The following PDZRN4 variants were observed in gnomAD, a reference collection of about 807,000 sequenced individuals.
PDZRN4 encodes PDZ domain containing ring finger 4.
A neutral mutation model predicts 99.0 loss-of-function variants in PDZRN4; 70 were observed. The observed-to-expected ratio is 0.71, with a 90% CI of 0.58 to 0.86. The LOEUF is 0.86. PDZRN4 is among the 40% of genes least tolerant of loss of function. PDZRN4 has a pLI of 0.00. For synonymous variants in PDZRN4, 551 were observed against 501.6 expected (o/e 1.10, Z -1.32); for missense variants, 1,474 against 1,331.2 (o/e 1.11, Z -1.67).
chr12:41,226,763 T>C (rs1421759122), intron 3 of PDZRN4, among the ~76,000 whole-genome samples: 6 of 152,172 alleles, frequency 3.9e-5, no homozygotes. Flanking sequence ...ATTTTAATAA[T>C]GTTAAGGCTA....
chr12:41,209,262 G>A (rs551511968), intron 3 of PDZRN4, among the ~76,000 whole-genome samples: 5 of 152,022 alleles, frequency 3.3e-5, no homozygotes, highest in African/African-American at 1.2e-4. Flanking sequence ...CACAGATGAC[G>A]ACATCTGAAA....
intron 3 of PDZRN4, among the ~76,000 whole-genome samples, chr12:41,416,776 G>A (rs573744218): frequency 2.6e-5 from 4 of 152,298 alleles, no homozygotes; most frequent in Non-Finnish European, 4.4e-5. Flanking sequence ...TTTCTTCCCT[G>A]GGTAGATGTT....
At chr12:41,363,273 A>C (rs561141605) in intron 3 of PDZRN4, among the ~76,000 whole-genome samples, 1 of 152,112 alleles carries the variant, frequency 6.6e-6, no homozygotes, top group Non-Finnish European at 1.5e-5. Context: ...GAAGCAGAGG[A>C]GCTGGCTGAA....
At chr12:41,532,984 T>C (rs1462756656) in intron 5 of PDZRN4, among the ~76,000 whole-genome samples, 1 of 152,152 alleles carries the variant, frequency 6.6e-6, no homozygotes, top group Non-Finnish European at 1.5e-5. Flanking sequence ...ATCAACCTGT[T>C]AATCATATTG....
At chr12:41,350,173 A>G (rs1386638303) in intron 3 of PDZRN4, among the ~76,000 whole-genome samples, 1 of 152,032 alleles carries the variant, frequency 6.6e-6, no homozygotes, top group Admixed American at 6.6e-5. Context: ...CTGGGATTAT[A>G]AAAACAAATA....
intron 3 of PDZRN4, among the ~76,000 whole-genome samples, chr12:41,429,481 G>A (rs79746009): frequency 1.3e-5 from 2 of 152,118 alleles, no homozygotes; most frequent in South Asian, 4.1e-4. Flanking sequence ...TCCAGTCCTT[G>A]GGGAAATCCT....
At chr12:41,352,239 A>G (rs889169977) in intron 3 of PDZRN4, among the ~76,000 whole-genome samples, 2 of 152,072 alleles carry the variant, frequency 1.3e-5, no homozygotes, top group Non-Finnish European at 2.9e-5. Context: ...CATGGGCTAC[A>G]CTTTTAAGAA....
At chr12:41,407,658 G>T (rs898569185) in intron 3 of PDZRN4, among the ~76,000 whole-genome samples, 1 of 151,862 alleles carries the variant, frequency 6.6e-6, no homozygotes, top group Non-Finnish European at 1.5e-5. Context: ...AAGATTAAAG[G>T]CAGGTTCAGT....
chr12:41,480,498 G>A (rs1346763914), intron 3 of PDZRN4, among the ~76,000 whole-genome samples: 1 of 152,132 alleles, frequency 6.6e-6, no homozygotes, highest in Non-Finnish European at 1.5e-5. Flanking sequence ...AGGATATAAA[G>A]CTAACAGTAG....
intron 5 of PDZRN4, among the ~76,000 whole-genome samples, chr12:41,524,184 A>G (rs1259323790): frequency 6.6e-6 from 1 of 152,198 alleles, no homozygotes; most frequent in African/African-American, 2.4e-5. Context: ...AAATGCATAA[A>G]ATAATATTGA....
chr12:41,322,326 C>T (rs750433738), intron 3 of PDZRN4, among the ~76,000 whole-genome samples: 6 of 151,844 alleles, frequency 4.0e-5, no homozygotes, highest in South Asian at 2.1e-4. Context: ...GTGCTCAGCT[C>T]CTCAAAATTT....
chr12:41,285,082 G>A (rs1473838581), intron 3 of PDZRN4, among the ~76,000 whole-genome samples: 1 of 152,060 alleles, frequency 6.6e-6, no homozygotes, highest in Non-Finnish European at 1.5e-5. Context: ...CCTACAGAAT[G>A]GGAGAAAATT....
intron 3 of PDZRN4, among the ~76,000 whole-genome samples, chr12:41,500,128 C>A (rs1202536634): frequency 6.6e-6 from 1 of 151,928 alleles, no homozygotes; most frequent in African/African-American, 2.4e-5. Flanking sequence ...TGTATTTCAA[C>A]AGAGGGATCC....
rs566687479 is a variant in PDZRN4, at chr12:41,397,276, G to A, written c.844-109180G>A. Reference sequence around the variant, plus strand: ...TCTCTCTCCCTTCATGCTACATGCAGTTGTGATTTCTAAGGATGTGTTTAG... The same window carrying A: ...TCTCTCTCCCTTCATGCTACATGCAATTGTGATTTCTAAGGATGTGTTTAG... On this transcript the variant is annotated intron_variant, in intron 3 of 9. Transcript: ENST00000402685. 5.9e-5 allele frequency among the ~76,000 whole-genome samples: 9 copies of A among 152,240 alleles called. No homozygotes were observed. The South Asian group carries it at 1.9e-3, about 32-fold the overall frequency.
chr12:41,507,139 C>A lies in PDZRN4; in HGVS notation c.1100+427C>A, dbSNP rs59834004. Among the ~76,000 whole-genome samples the A allele has an allele frequency of 2.5e-3, 384 of 152,250 alleles. 1 individual carries two copies. Among genetic ancestry groups the A allele is most frequent in the African/African-American group, 8.8e-3 (367 of 41,556 alleles). Reference sequence around the variant, plus strand: ...GTGGGCCACCTCTCTCTCTTCCTTGCATTTCTCTTCTTTAAAGAGAAGCTA... The same window carrying A: ...GTGGGCCACCTCTCTCTCTTCCTTGAATTTCTCTTCTTTAAAGAGAAGCTA... On this transcript the variant is annotated intron_variant, in intron 4 of 9. Coordinates refer to ENST00000402685, the MANE Select transcript of PDZRN4 (RefSeq NM_001164595.2).
At chr12:41,493,905 G>T (rs11180957) in intron 3 of PDZRN4, among the ~76,000 whole-genome samples, 1 of 148,236 alleles carries the variant, frequency 6.7e-6, no homozygotes, top group Non-Finnish European at 1.5e-5. Flanking sequence ...AAATAATGGG[G>T]GGGGGGATTC....
chr12:41,334,603 G>A (rs1448650926), intron 3 of PDZRN4, among the ~76,000 whole-genome samples: 2 of 152,096 alleles, frequency 1.3e-5, no homozygotes, highest in Non-Finnish European at 2.9e-5. Context: ...CCTTATCACG[G>A]CTTTGACTGG....
intron 3 of PDZRN4, among the ~76,000 whole-genome samples, chr12:41,429,576 G>C (rs575256481): frequency 1.3e-5 from 2 of 152,262 alleles, no homozygotes; most frequent in South Asian, 4.1e-4. Flanking sequence ...GTCTCTGAGT[G>C]ACAGGCAATG....
chr12:41,511,732 A>T (rs982254591), intron 5 of PDZRN4, among the ~76,000 whole-genome samples: 10 of 152,156 alleles, frequency 6.6e-5, no homozygotes, highest in African/African-American at 2.4e-4. Flanking sequence ...ATTATGTGAC[A>T]CACACATAGA....
Sources: gnomAD v4.1 joint callset for allele counts (sites outside exome capture counted in the v4.1 genomes callset) on GRCh38, gnomAD v4.1.1 for gene constraint, MANE v1.5 for transcripts, NCBI Gene and HGNC (gene_info 2026-07-23, HGNC 2026-07-21) for gene names.